Variants in SUGCT observed in about 807,000 individuals in gnomAD.
The protein encoded by SUGCT is succinyl-CoA:glutarate CoA-transferase.
Under a neutral mutation model 55.0 loss-of-function variants are expected in SUGCT, and 41 were observed. That is an observed-to-expected ratio of 0.74 (90% confidence interval 0.58 to 0.97). The LOEUF (loss-of-function observed/expected upper bound fraction) is 0.97. Among genes scored for constraint, SUGCT ranks in the 50% least tolerant of loss-of-function variants. The pLI is 0.00. For missense variants in SUGCT, 568 were observed against 547.8 expected, an observed-to-expected ratio of 1.04 and a Z score of -0.37; for synonymous variants, 187 against 200.4, an observed-to-expected ratio of 0.93 and a Z score of 0.56.
At chr7:40,911,845 C>A in the SUGCT span, among the ~76,000 whole-genome samples, 19 of 152,206 alleles carry the variant, frequency 1.2e-4, no homozygotes, top group African/African-American at 4.3e-4. Flanking sequence ...AGTTCACATG[C>A]TGAAGGAATT....
At chr7:40,919,620 AG>A in the SUGCT span, among the ~76,000 whole-genome samples, 1 of 152,120 alleles carries the variant, frequency 6.6e-6, no homozygotes, top group African/African-American at 2.4e-5. Context: ...CTCCAACCCA[AG>A]GTTTCTTAAT....
intron 8 of SUGCT, 24 bp from the exon 9 acceptor site, chr7:40,316,736 T>C: frequency 6.8e-7 from 1 of 1,463,856 alleles, no homozygotes; most frequent in Non-Finnish European, 9.4e-7. Flanking sequence ...TTCTATTTTA[T>C]TTATTTACTT....
chr7:40,326,596 C>G (rs933863372), intron 9 of SUGCT, among the ~76,000 whole-genome samples: 2 of 152,122 alleles, frequency 1.3e-5, no homozygotes, highest in Non-Finnish European at 2.9e-5. Flanking sequence ...CTTTGTAGAA[C>G]TTTTTCGGAA....
intron 12 of SUGCT, among the ~76,000 whole-genome samples, chr7:40,549,249 C>A (rs1226342203): frequency 9.2e-5 from 14 of 152,138 alleles, no homozygotes; most frequent in Admixed American, 8.5e-4. Context: ...CTGTCTCTTT[C>A]AAGGGAGACT....
At chr7:40,814,457 C>T (rs1791573643) in intron 13 of SUGCT, among the ~76,000 whole-genome samples, 1 of 151,936 alleles carries the variant, frequency 6.6e-6, no homozygotes, top group African/African-American at 2.4e-5. Flanking sequence ...TCTTCAGGCT[C>T]TGAAATTCTT....
At chr7:40,927,203 C>G in the SUGCT span, among the ~76,000 whole-genome samples, 1 of 152,102 alleles carries the variant, frequency 6.6e-6, no homozygotes, top group Non-Finnish European at 1.5e-5. Flanking sequence ...GGTATCTGAT[C>G]TCGTTTGTGA....
chr7:41,015,856 C>A, the SUGCT span, among the ~76,000 whole-genome samples: 4 of 152,176 alleles, frequency 2.6e-5, no homozygotes, highest in African/African-American at 9.7e-5. Context: ...TCCTTCAGTG[C>A]CAAGCGTTCA....
intron 12 of SUGCT, among the ~76,000 whole-genome samples, chr7:40,522,555 C>T (rs888618216): frequency 6.6e-6 from 1 of 152,096 alleles, no homozygotes; most frequent in African/African-American, 2.4e-5. Context: ...TCTGTCTCCT[C>T]ACTTGACCCA....
chr7:40,817,881 G>C (rs903206239), intron 13 of SUGCT, among the ~76,000 whole-genome samples: 7 of 152,182 alleles, frequency 4.6e-5, no homozygotes, highest in Non-Finnish European at 7.4e-5. Context: ...CTAGAAGGAG[G>C]TAGTGATCTG....
intron 7 of SUGCT, among the ~76,000 whole-genome samples, chr7:40,259,019 A>C (rs1791035384): frequency 6.6e-6 from 1 of 152,240 alleles, no homozygotes; most frequent in African/African-American, 2.4e-5. Context: ...GTTATAACAT[A>C]AGTGAACCTG....
At chr7:40,717,598 G>C (rs745859416) in intron 12 of SUGCT, among the ~76,000 whole-genome samples, 1 of 152,200 alleles carries the variant, frequency 6.6e-6, no homozygotes, top group Non-Finnish European at 1.5e-5. Flanking sequence ...CTTTTTATCT[G>C]TGTAGGCATT....
At chr7:40,975,282 T>C in the SUGCT span, among the ~76,000 whole-genome samples, 13 of 152,278 alleles carry the variant, frequency 8.5e-5, no homozygotes, top group African/African-American at 3.1e-4. Flanking sequence ...TCAAGGATCA[T>C]CCTCCTCACA....
At chr7:40,555,998 A>C (rs1795542643) in intron 12 of SUGCT, among the ~76,000 whole-genome samples, 1 of 152,136 alleles carries the variant, frequency 6.6e-6, no homozygotes, top group African/African-American at 2.4e-5. Flanking sequence ...CCCTACATAA[A>C]GTATGCCTGT....
chr7:40,816,924 TAA>T (rs1791700282), intron 13 of SUGCT, among the ~76,000 whole-genome samples: 1 of 152,164 alleles, frequency 6.6e-6, no homozygotes, highest in Admixed American at 6.5e-5. Flanking sequence ...AGAAGTCAAA[TAA>T]GAGTTGCATG....
chr7:40,219,244 A>AACTCCAGACACACCATCTTTAAG (rs1201559507), intron 6 of SUGCT, among the ~76,000 whole-genome samples: 2 of 152,148 alleles, frequency 1.3e-5, no homozygotes, highest in African/African-American at 2.4e-5. Context: ...AGAAGGAACA[A>AACTCCAGACACACCATCTTTAAG]ACTCCAGACA....
At chr7:40,445,914 A>G (rs747799562) in intron 9 of SUGCT, among the ~76,000 whole-genome samples, 11 of 152,150 alleles carry the variant, frequency 7.2e-5, no homozygotes, top group Non-Finnish European at 1.5e-4. Flanking sequence ...CTCAGTTGCC[A>G]TGAGTTCTTC....
At chr7:40,315,987 G>T (rs1394116589) in intron 8 of SUGCT, among the ~76,000 whole-genome samples, 2 of 152,098 alleles carry the variant, frequency 1.3e-5, no homozygotes, top group African/African-American at 4.8e-5. Flanking sequence ...TTGAACTATT[G>T]TAGATTTGTC....
chr7:40,644,920 T>C (rs2151830130), intron 12 of SUGCT, among the ~76,000 whole-genome samples: 1 of 152,294 alleles, frequency 6.6e-6, no homozygotes, highest in Admixed American at 6.5e-5. Flanking sequence ...GCACCTTCCC[T>C]CAACCGCACT....
At chr7:40,454,516 G>A (rs965386617) in intron 10 of SUGCT, among the ~76,000 whole-genome samples, 1 of 152,070 alleles carries the variant, frequency 6.6e-6, no homozygotes, top group African/African-American at 2.4e-5. Context: ...TTCCTCCTAG[G>A]CTATAAATCT....
Sources: allele counts gnomAD v4.1 joint callset (sites outside exome capture counted in the v4.1 genomes callset), GRCh38; gene constraint gnomAD v4.1.1; transcripts MANE v1.5; gene names NCBI Gene and HGNC (gene_info 2026-07-23, HGNC 2026-07-21).